The following CNTNAP3 variants were observed in gnomAD, a reference collection of about 807,000 sequenced individuals.
CNTNAP3 encodes contactin associated protein family member 3, also known as contactin-associated protein-like 3.
CNTNAP3 carries 36 observed loss-of-function variants against 92.1 expected under a neutral mutation model. The observed-to-expected ratio is 0.39, with a 90% CI of 0.30 to 0.52. The LOEUF (loss-of-function observed/expected upper bound fraction) is 0.52, where lower values mean the gene tolerates loss of function less well. CNTNAP3 is among the 20% of genes least tolerant of loss of function. CNTNAP3 has a pLI of 0.76. For missense variants in CNTNAP3, 534 were observed against 1,069.6 expected (o/e 0.50, Z 6.98); for synonymous variants, 232 against 422.3 (o/e 0.55, Z 5.53).
At chr9:39,111,258 A>G (rs1472715442) in intron 14 of CNTNAP3, among the ~76,000 whole-genome samples, 1 of 152,170 alleles carries the variant, frequency 6.6e-6, no homozygotes, top group African/African-American at 2.4e-5. Flanking sequence ...GTTCTATCAA[A>G]TACTAGAATT....
chr9:39,110,285 AC>A (rs1469431456), intron 14 of CNTNAP3, among the ~76,000 whole-genome samples: 2 of 152,138 alleles, frequency 1.3e-5, no homozygotes, highest in African/African-American at 4.8e-5. Flanking sequence ...AGTCCCAGCT[AC>A]ATGGGAGGCT....
intron 13 of CNTNAP3, among the ~76,000 whole-genome samples, chr9:39,127,812 CT>C (rs200378237): frequency 0.038 from 5,827 of 152,030 alleles, 159 homozygotes; most frequent in Non-Finnish European, 0.061. Flanking sequence ...GATGGTTTTA[CT>C]GGAGAATTCT....
chr9:39,141,234 C>G (rs1027949398), intron 11 of CNTNAP3, among the ~76,000 whole-genome samples: 1 of 152,160 alleles, frequency 6.6e-6, no homozygotes, highest in Non-Finnish European at 1.5e-5. Flanking sequence ...CCCTCATTCA[C>G]CCTGTAATAA....
intron 13 of CNTNAP3, among the ~76,000 whole-genome samples, chr9:39,129,416 GA>G (rs1821224173): frequency 6.6e-6 from 1 of 152,048 alleles, no homozygotes; most frequent in Non-Finnish European, 1.5e-5. Flanking sequence ...TGGAGCAACT[GA>G]ACATTCATAG....
At chr9:39,161,871 A>G (rs1444259282) in intron 9 of CNTNAP3, among the ~76,000 whole-genome samples, 1 of 130,598 alleles carries the variant, frequency 7.7e-6, no homozygotes, top group Non-Finnish European at 1.6e-5. Context: ...AGTAAAGCCT[A>G]TAACTACAAA....
Position 39,165,501 on chromosome 9 carries a change from CTT to C in CNTNAP3, c.1477+430_1477+431del, listed in dbSNP as rs548470546. On this transcript the variant is annotated intron_variant, in intron 9 of 23. Coordinates refer to ENST00000297668, the MANE Select transcript of CNTNAP3 (RefSeq NM_033655.5). The stretch of plus-strand genomic sequence containing the variant: ...TCAATAGTATAGATTTAGATGTAGA[CTT>C]AAATATATAAGTAATATTTTATGTA... Among the ~76,000 whole-genome samples the C allele has an allele frequency of 2.1e-3, 248 of 120,558 alleles. 6 individuals carry two copies. Among genetic ancestry groups the C allele is most frequent in the African/African-American group, 7.6e-3 (230 of 30,196 alleles). The allele number at this position is 120,558 out of a possible 152,430, so 79.1% of individuals were successfully genotyped here. A position where few individuals can be genotyped will look rare whatever the true frequency, so the allele number is the denominator to read the frequency against.
intron 13 of CNTNAP3, among the ~76,000 whole-genome samples, chr9:39,126,566 C>T (rs1490719577): frequency 1.3e-5 from 2 of 152,046 alleles, no homozygotes; most frequent in African/African-American, 4.8e-5. Flanking sequence ...CAAATTGAAC[C>T]AAACAATTTT....
Position 39,144,283 on chromosome 9 carries a change from A to C in CNTNAP3, c.1713T>G (p.Cys571Trp). 4 of 1,584,298 alleles carry C rather than the reference A, an allele frequency of 2.5e-6. No individual in the cohort carries two copies. The highest frequency in any genetic ancestry group is 3.4e-6 in the Non-Finnish European group (4 of 1,165,546). ...CCGTATAGCCTGTGCCTAGACAGTCACAGGAGAAGGTGTCCCACGACTGGG... is the reference window on the plus strand; with the variant it reads ...CCGTATAGCCTGTGCCTAGACAGTCCCAGGAGAAGGTGTCCCACGACTGGG... ...ECSQSWDTFS[C>W]DCLGTGYTGE... Residue 571 changes from cysteine (C) to tryptophan (W), a missense_variant, in exon 11 of 24, where the codon TGT becomes TGG. Coordinates refer to ENST00000297668, the MANE Select transcript of CNTNAP3 (RefSeq NM_033655.5).
chr9:39,154,882 T>C lies in CNTNAP3; in HGVS notation c.1478-4905A>G, dbSNP rs532332811. The C allele has an allele frequency of 1.9e-4, 42 of 221,636 alleles. 1 individual carries two copies. In the South Asian group the frequency reaches 2.3e-3, roughly 12 times the overall value. 13.7% of individuals were successfully genotyped at this position (221,636 alleles called of 1,614,324 possible). The stretch of plus-strand genomic sequence containing the variant: ...GAGATGCCTTTCCGGTGGGGAAGAC[T>C]AGCAGATCAGGCGGCAAGATCATCG... On this transcript the variant is annotated intron_variant, in intron 9 of 23. Transcript: ENST00000297668.
chr9:39,080,621 T>C (rs113202329), intron 21 of CNTNAP3, among the ~76,000 whole-genome samples: 252 of 127,022 alleles, frequency 2.0e-3, no homozygotes, highest in East Asian at 0.011. Context: ...CATTAAATAA[T>C]TGTAGTTTAG....
chr9:39,153,952 ACATTTTCC>A lies in CNTNAP3; in HGVS notation c.1478-3983_1478-3976del. The A allele has an allele frequency of 1.1e-5, 2 of 181,370 alleles. 1 individual carries two copies. Among genetic ancestry groups the A allele is most frequent in the South Asian group, 2.1e-4 (2 of 9,380 alleles). 11.2% of individuals were successfully genotyped at this position (181,370 alleles called of 1,614,324 possible). On this transcript the variant is annotated intron_variant, in intron 9 of 23. Coordinates refer to ENST00000297668, the MANE Select transcript of CNTNAP3 (RefSeq NM_033655.5). ...TCTCAAGGTTTCTTTGGTGCAAATA[ACATTTTCC>A]ATTTATCTGGCATCAGGAAATTGGT...
intron 13 of CNTNAP3, among the ~76,000 whole-genome samples, chr9:39,131,769 A>G (rs1821300154): frequency 6.6e-6 from 1 of 151,894 alleles, no homozygotes; most frequent in African/African-American, 2.4e-5. Context: ...AGGGGGTTGC[A>G]GTGAGCAAAG....
At chr9:39,151,041 A>G (rs958981360) in intron 9 of CNTNAP3, among the ~76,000 whole-genome samples, 1 of 147,672 alleles carries the variant, frequency 6.8e-6, no homozygotes, top group African/African-American at 2.6e-5. Flanking sequence ...GGATGAAAGT[A>G]CACACTCTAG....
At chr9:39,128,457 G>T (rs1017427056) in intron 13 of CNTNAP3, among the ~76,000 whole-genome samples, 1 of 151,736 alleles carries the variant, frequency 6.6e-6, no homozygotes, top group African/African-American at 2.4e-5. Context: ...ACAGACAAAA[G>T]AAGAAATATA....
intron 17 of CNTNAP3, among the ~76,000 whole-genome samples, chr9:39,100,518 ATTATT>A (rs1351842891): frequency 6.6e-6 from 1 of 152,040 alleles, no homozygotes; most frequent in Middle Eastern, 3.2e-3. Context: ...TTCATCAAAC[ATTATT>A]TTAATTTCTT....
intron 9 of CNTNAP3, 147 bp from the exon 10 acceptor site, chr9:39,150,124 G>T: frequency 4.8e-6 from 3 of 629,254 alleles, no homozygotes; most frequent in Non-Finnish European, 8.4e-6. Flanking sequence ...GAGGTGAGAA[G>T]GGGCAAGGTT....
chr9:39,120,713 A>T (rs1820999309), intron 13 of CNTNAP3, among the ~76,000 whole-genome samples: 1 of 152,176 alleles, frequency 6.6e-6, no homozygotes, highest in African/African-American at 2.4e-5. Context: ...CACAAAAGAA[A>T]ACTAAAATAA....
intron 19 of CNTNAP3, 36 bp from the exon 20 acceptor site, chr9:39,086,885 T>C: frequency 6.7e-7 from 1 of 1,492,842 alleles, no homozygotes; most frequent in Admixed American, 1.9e-5. Context: ...AAAATTAAAG[T>C]GGTATTTTAT....
At chr9:39,145,089 C>T (rs1469838804) in intron 10 of CNTNAP3, among the ~76,000 whole-genome samples, 1 of 139,448 alleles carries the variant, frequency 7.2e-6, no homozygotes, top group African/African-American at 2.6e-5. Context: ...AATCTGCTGC[C>T]GCCCACTATA....
Sources: allele counts gnomAD v4.1 joint callset (sites outside exome capture counted in the v4.1 genomes callset), GRCh38; gene constraint gnomAD v4.1.1; transcripts MANE v1.5; gene names NCBI Gene and HGNC (gene_info 2026-07-23, HGNC 2026-07-21).